The following FAM83B variants were observed in gnomAD, a reference collection of about 807,000 sequenced individuals.
FAM83B encodes the protein protein FAM83B.
FAM83B carries 26 observed loss-of-function variants against 38.8 expected under a neutral mutation model. The ratio of observed to expected loss-of-function variants is 0.67; its 90% CI spans 0.49 to 0.93. The LOEUF (loss-of-function observed/expected upper bound fraction) is 0.93. FAM83B is among the 40% of genes least tolerant of loss of function. The pLI, the probability that FAM83B is intolerant of heterozygous loss-of-function variation, is 0.00. For synonymous variants in FAM83B, 419 were observed against 423.1 expected (o/e 0.99, Z 0.12); for missense variants, 1,237 against 1,197.3 (o/e 1.03, Z -0.49).
At chr6:54,924,640 T>C (rs1773246202) in intron 2 of FAM83B, among the ~76,000 whole-genome samples, 1 of 151,910 alleles carries the variant, frequency 6.6e-6, no homozygotes, top group Admixed American at 6.6e-5. Context: ...ATTTTTCTGG[T>C]ATTAGACTTC....
chr6:54,854,346 A>G (rs1326572228), intron 1 of FAM83B, among the ~76,000 whole-genome samples: 1 of 152,360 alleles, frequency 6.6e-6, no homozygotes, highest in African/African-American at 2.4e-5. Context: ...GTTAAACAAC[A>G]TTGCATGCTA....
Position 54,870,599 on chromosome 6 carries a change from G to T in FAM83B, c.353G>T (p.Gly118Val), listed in dbSNP as rs557390034. Residue 118 changes from glycine (G) to valine (V), a missense_variant, in exon 2 of 5, where the codon GGC becomes GTC. Transcript: ENST00000306858. ...TATGTGATGCCCGGACTCTTAGGGG[G>T]CACCCATATAGATCTCCTTTTTCAT... ...WPYVMPGLLG[G>V]THIDLLFHPP... 2.5e-6 allele frequency: 4 copies of T among 1,613,830 alleles called. No homozygotes were observed. The highest frequency in any genetic ancestry group is 1.7e-6 in the Non-Finnish European group (2 of 1,179,926).
chr6:54,910,541 A>G (rs1390784388), intron 2 of FAM83B, among the ~76,000 whole-genome samples: 3 of 152,198 alleles, frequency 2.0e-5, no homozygotes, highest in East Asian at 3.9e-4. Context: ...AAGTGCCAGC[A>G]GGAGAGTAGA....
Position 54,941,996 on chromosome 6 carries a change from A to G in FAM83B, c.3025A>G (p.Lys1009Glu). 6.3e-7 allele frequency: 1 copy of G among 1,591,020 alleles called. No individual in the cohort carries two copies. The highest frequency in any genetic ancestry group is 8.5e-7 in the Non-Finnish European group (1 of 1,170,484). The change falls in exon 5 of 5, where the codon AAA (lysine) becomes GAA (glutamate). Residue 1009 changes from lysine (K) to glutamate (E), a missense_variant. Transcript: ENST00000306858. ...GCAAAAGTTTGGAAACTTTATACAC[A>G]AAAATAAATAGCTATTAAAATGCAA... is the stretch of plus-strand genomic sequence containing the variant. ...FMQKFGNFIH[K>E]NK is the part of the protein sequence containing the mutation.
At chr6:54,855,136 T>G (rs1395011914) in intron 1 of FAM83B, among the ~76,000 whole-genome samples, 11 of 152,142 alleles carry the variant, frequency 7.2e-5, no homozygotes. Flanking sequence ...AAATACGCAG[T>G]AAAAAGAAAT....
In FAM83B at chr6:54,941,730, C is replaced by A; in HGVS notation, c.2759C>A (p.Ser920Tyr). 1 of 1,614,108 alleles carries A rather than the reference C, an allele frequency of 6.2e-7. No individual in the cohort carries two copies. Among genetic ancestry groups the A allele is most frequent in the Non-Finnish European group, 8.5e-7 (1 of 1,180,012 alleles). ...RRPTSSPRPT[S>Y]SELLRSHSTD... is the part of the protein sequence containing the mutation. ...CCTACTTCTTCTCCAAGGCCAACGT[C>A]CAGTGAGCTTCTACGATCTCATTCA... is the stretch of plus-strand genomic sequence containing the variant. The change falls in exon 5 of 5, where the codon TCC becomes TAC. Residue 920 changes from serine (S) to tyrosine (Y), a missense_variant. Ser to Tyr is a moderately radical substitution (Grantham distance 144, BLOSUM62 -2). Transcript: ENST00000306858.
rs1356848654 is a variant in FAM83B at position 54,862,165 on chromosome 6, T to C, written c.-60-8022T>C. On this transcript the variant is annotated intron_variant, in intron 1 of 4. Coordinates refer to ENST00000306858, the MANE Select transcript of FAM83B (RefSeq NM_001010872.3). Reference sequence around the variant, plus strand: ...CTTTAATGTTTAACTTCTACATACATCAGAGTTATAATAGAGGATTAGTAG... The same window carrying C: ...CTTTAATGTTTAACTTCTACATACACCAGAGTTATAATAGAGGATTAGTAG... 3.3e-5 allele frequency among the ~76,000 whole-genome samples: 5 copies of C among 152,206 alleles called. No homozygotes were observed. In the South Asian group the frequency reaches 1.0e-3, roughly 32 times the overall value.
At chr6:54,877,667 T>C (rs1287311265) in intron 2 of FAM83B, among the ~76,000 whole-genome samples, 1 of 152,250 alleles carries the variant, frequency 6.6e-6, no homozygotes, top group East Asian at 1.9e-4. Context: ...TGTTAGGCAC[T>C]GTGCTAAGCA....
chr6:54,925,404 A>G (rs1052491783), intron 2 of FAM83B, among the ~76,000 whole-genome samples: 6 of 152,194 alleles, frequency 3.9e-5, no homozygotes, highest in African/African-American at 1.4e-4. Context: ...TAGGTGGTCA[A>G]TAAATATGCC....
chr6:54,923,757 T>G (rs1773222035), intron 2 of FAM83B, among the ~76,000 whole-genome samples: 1 of 152,072 alleles, frequency 6.6e-6, no homozygotes, highest in Non-Finnish European at 1.5e-5. Flanking sequence ...ACTGCCATGC[T>G]GTCTCCCCCA....
chr6:54,904,947 A>T (rs1332170596), intron 2 of FAM83B, among the ~76,000 whole-genome samples: 1 of 152,160 alleles, frequency 6.6e-6, no homozygotes, highest in Admixed American at 6.5e-5. Context: ...GAGGGAGAGG[A>T]TGGGAGATCA....
intron 2 of FAM83B, among the ~76,000 whole-genome samples, chr6:54,876,983 TTTGTTGG>T (rs1772012026): frequency 6.6e-6 from 1 of 152,164 alleles, no homozygotes; most frequent in African/African-American, 2.4e-5. Flanking sequence ...CCTTTAGTAG[TTTGTTGG>T]AATGGCAAAG....
Position 54,940,475 on chromosome 6 carries a change from A to G in FAM83B, c.1504A>G (p.Asn502Asp). ...TAACTGGAGAATTGAATCCTACTTA[A>G]ATGATCATTCAGAAGCTACACCGGA... is the stretch of plus-strand genomic sequence containing the variant. ...LRNWRIESYL[N>D]DHSEATPDSN... The change falls in exon 5 of 5, where the codon AAT (asparagine) becomes GAT (aspartate). Residue 502 changes from asparagine to aspartate, a missense_variant. Physicochemically the swap from Asn to Asp is conservative, Grantham distance 23. Transcript: ENST00000306858. The G allele has an allele frequency of 6.2e-7, 1 of 1,613,976 alleles. No homozygotes were observed. Among genetic ancestry groups the G allele is most frequent in the Non-Finnish European group, 8.5e-7 (1 of 1,179,944 alleles).
chr6:54,938,238 T>C (rs957606729), intron 4 of FAM83B, among the ~76,000 whole-genome samples: 1 of 152,198 alleles, frequency 6.6e-6, no homozygotes, highest in African/African-American at 2.4e-5. Context: ...CCATGGTATA[T>C]ACATACCACA....
chr6:54,930,937 C>G (rs421957), intron 4 of FAM83B, among the ~76,000 whole-genome samples: 105,370 of 151,972 alleles, frequency 0.69, 38,521 homozygotes, highest in African/African-American at 0.91. Flanking sequence ...TGTATTTACA[C>G]CTATAAACGT....
In FAM83B at chr6:54,940,581, A is replaced by C. The variant is rs560384780; in HGVS notation, c.1610A>C (p.His537Pro). Residue 537 changes from histidine to proline, a missense_variant, in exon 5 of 5, where the codon CAT (histidine) becomes CCT (proline). Transcript: ENST00000306858. ...TTGAAGGCCAATGCCCTTTATACTCATTCTCGGCTTCGTTCCTCTTTAGTA... is the reference window on the plus strand; with the variant it reads ...TTGAAGGCCAATGCCCTTTATACTCCTTCTCGGCTTCGTTCCTCTTTAGTA... ...ENLKANALYT[H>P]SRLRSSLVFK... The C allele has an allele frequency of 1.1e-5, 17 of 1,614,114 alleles. No homozygotes were observed. In the African/African-American group the frequency reaches 2.1e-4, roughly 20 times the overall value.
At chr6:54,872,361 C>T (rs1034846260) in intron 2 of FAM83B, among the ~76,000 whole-genome samples, 1 of 152,048 alleles carries the variant, frequency 6.6e-6, no homozygotes, top group South Asian at 2.1e-4. Context: ...AAATTTGAGG[C>T]TATATGTGAG....
At chr6:54,891,517 A>G (rs1472309369) in intron 2 of FAM83B, among the ~76,000 whole-genome samples, 1 of 152,074 alleles carries the variant, frequency 6.6e-6, no homozygotes, top group Non-Finnish European at 1.5e-5. Context: ...CTACCTTCAT[A>G]CTTTGGCACT....
intron 1 of FAM83B, among the ~76,000 whole-genome samples, chr6:54,855,473 G>A (rs943061337): frequency 6.6e-6 from 1 of 152,132 alleles, no homozygotes; most frequent in Non-Finnish European, 1.5e-5. Context: ...GCCAATTCAT[G>A]TCCGTTGATA....
Sources: allele counts gnomAD v4.1 joint callset (sites outside exome capture counted in the v4.1 genomes callset), GRCh38; gene constraint gnomAD v4.1.1; transcripts MANE v1.5; gene names NCBI Gene and HGNC (gene_info 2026-07-23, HGNC 2026-07-21).